The following GPHN variants were observed in gnomAD, a reference collection of about 807,000 sequenced individuals.
The protein encoded by GPHN is gephyrin.
In GPHN, 17 loss-of-function variants were observed where a neutral mutation model predicts 95.5. That is an observed-to-expected ratio of 0.18 (90% CI 0.12 to 0.27). The LOEUF (loss-of-function observed/expected upper bound fraction) is 0.27. GPHN is among the 10% of genes least tolerant of loss of function. The pLI is 1.00. For missense variants in GPHN, 660 were observed against 978.1 expected, an observed-to-expected ratio of 0.67 and a Z score of 4.34; for synonymous variants, 320 against 322.5, an observed-to-expected ratio of 0.99 and a Z score of 0.08.
At chr14:66,602,894 G>C (rs1438475820) in intron 1 of GPHN, among the ~76,000 whole-genome samples, 3 of 151,846 alleles carry the variant, frequency 2.0e-5, no homozygotes, top group Non-Finnish European at 4.4e-5. Context: ...TTTGAAATAA[G>C]AGTTATAAAT....
the GPHN span, chr14:67,645,898 G>A: frequency 3.1e-5 from 43 of 1,390,944 alleles, no homozygotes; most frequent in Admixed American, 2.7e-4. Context: ...GGTGGGTTGA[G>A]TGTGGATTAC....
intron 5 of GPHN, among the ~76,000 whole-genome samples, chr14:66,911,180 A>G (rs1479069873): frequency 6.6e-6 from 1 of 152,054 alleles, no homozygotes; most frequent in Non-Finnish European, 1.5e-5. Flanking sequence ...GTGACATATT[A>G]TATGTTTCCC....
At chr14:67,049,211 T>TTTGTTGTTGTTGTTGTTGTTG (rs139585227) in intron 10 of GPHN, among the ~76,000 whole-genome samples, 4 of 150,946 alleles carry the variant, frequency 2.6e-5, no homozygotes, top group African/African-American at 4.9e-5. Flanking sequence ...GCTGATTAAG[T>TTTGTTGTTGTTGTTGTTGTTG]TTGTTGTTGT....
Position 66,924,131 on chromosome 14 carries a change from T to A in GPHN, c.730-63T>A, listed in dbSNP as rs1376320747. The A allele has an allele frequency of 3.3e-6, 3 of 903,344 alleles. No homozygotes were observed. In the African/African-American group the frequency reaches 4.9e-5, roughly 15 times the overall value. The allele number at this position is 903,344 out of a possible 1,614,324, so 56.0% of individuals were successfully genotyped here. A position where few individuals can be genotyped will look rare whatever the true frequency, so the allele number is the denominator to read the frequency against. ...TTACCTTTTTTCCTTTTTAGTCATT[T>A]TGCTTGTATAGTTTCATGTTTTCCT... On this transcript the variant is annotated intron_variant, in intron 7 of 22. Coordinates refer to ENST00000478722, the MANE Select transcript of GPHN (RefSeq NM_020806.5).
At chr14:67,250,085 C>T in the GPHN span, among the ~76,000 whole-genome samples, 15 of 152,216 alleles carry the variant, frequency 9.9e-5, 1 homozygote, top group South Asian at 3.1e-3. Flanking sequence ...TTTTATGGCA[C>T]ACAAATGGGT....
the GPHN span, among the ~76,000 whole-genome samples, chr14:67,494,263 T>C: frequency 1.3e-5 from 2 of 152,194 alleles, no homozygotes; most frequent in Admixed American, 1.3e-4. Context: ...TGAAAATAAT[T>C]AACATTCCTT....
At chr14:66,805,858 G>C (rs913801929) in intron 3 of GPHN, among the ~76,000 whole-genome samples, 1 of 152,096 alleles carries the variant, frequency 6.6e-6, no homozygotes, top group Non-Finnish European at 1.5e-5. Flanking sequence ...TCAGGCACAC[G>C]GTACCAGATT....
At chr14:67,031,421 A>G (rs1388808055) in intron 10 of GPHN, among the ~76,000 whole-genome samples, 1 of 152,182 alleles carries the variant, frequency 6.6e-6, no homozygotes. Context: ...ATAGCTGCTT[A>G]CCATCACTTA....
chr14:67,349,674 A>G, the GPHN span, among the ~76,000 whole-genome samples: 1 of 152,214 alleles, frequency 6.6e-6, no homozygotes, highest in African/African-American at 2.4e-5. Flanking sequence ...AAAATACAAA[A>G]ATTAGCCAGT....
chr14:67,345,504 G>A, the GPHN span, among the ~76,000 whole-genome samples: 2 of 151,866 alleles, frequency 1.3e-5, no homozygotes, highest in East Asian at 1.9e-4. Context: ...GCAGTGAGCC[G>A]AGGTCGCGCC....
intron 4 of GPHN, among the ~76,000 whole-genome samples, chr14:66,836,098 A>G (rs1266648618): frequency 7.5e-6 from 1 of 133,342 alleles, no homozygotes; most frequent in Admixed American, 7.5e-5. Flanking sequence ...ACTACTTTAA[A>G]GTTCATATGG....
At chr14:67,347,503 T>TA in the GPHN span, 1 of 887,508 alleles carries the variant, frequency 1.1e-6, no homozygotes, top group South Asian at 2.0e-5. Context: ...AAGTTCTCTC[T>TA]TTTTTTTTTT....
intron 1 of GPHN, among the ~76,000 whole-genome samples, chr14:66,668,323 A>G (rs765340067): frequency 6.6e-6 from 1 of 152,206 alleles, no homozygotes; most frequent in Non-Finnish European, 1.5e-5. Flanking sequence ...TTATAAAGAC[A>G]CATGCACCCA....
At chr14:67,181,821 G>A (rs145790764), downstream of GPHN, 384 of 178,938 alleles carry the variant, frequency 2.1e-3, 1 homozygote, top group Non-Finnish European at 3.0e-3. Flanking sequence ...TGTTGGCCTC[G>A]TTATTTAAAG....
At chr14:66,663,539 C>T (rs577067661) in intron 1 of GPHN, among the ~76,000 whole-genome samples, 1 of 152,276 alleles carries the variant, frequency 6.6e-6, no homozygotes, top group South Asian at 2.1e-4. Flanking sequence ...AGTACACAGA[C>T]AAATGACACT....
the GPHN span, chr14:67,589,498 TTGTTTGTCAATAAAAAGCAGCTATC>T: frequency 1.0e-6 from 1 of 985,148 alleles, no homozygotes; most frequent in Non-Finnish European, 1.2e-6. Context: ...TACTATGATC[TTGTTTGTCAATAAAAAGCAGCTATC>T]TGTGAACCAG....
At chr14:66,986,456 G>T (rs2071035697) in intron 9 of GPHN, among the ~76,000 whole-genome samples, 2 of 151,994 alleles carry the variant, frequency 1.3e-5, no homozygotes, top group Non-Finnish European at 2.9e-5. Context: ...TTGTTTGCTA[G>T]TTGCTAAATA....
At chr14:67,713,060 A>G in the GPHN span, among the ~76,000 whole-genome samples, 1 of 152,144 alleles carries the variant, frequency 6.6e-6, no homozygotes, top group Non-Finnish European at 1.5e-5. Flanking sequence ...AAAGACTGAA[A>G]CAACAATAAA....
chr14:67,533,558 G>A, the GPHN span: 4 of 152,068 alleles, frequency 2.6e-5, no homozygotes, highest in Non-Finnish European at 5.9e-5. Context: ...GAGCGCTGGA[G>A]CGCGGGTCTG....
Sources: allele counts gnomAD v4.1 joint callset (sites outside exome capture counted in the v4.1 genomes callset), GRCh38; gene constraint gnomAD v4.1.1; transcripts MANE v1.5; gene names NCBI Gene and HGNC (gene_info 2026-07-23, HGNC 2026-07-21).